The following SORCS2 variants were observed in gnomAD, a reference collection of about 807,000 sequenced individuals.
SORCS2 encodes the protein VPS10 domain-containing receptor SorCS2.
In SORCS2, 100 loss-of-function variants were observed where a neutral mutation model predicts 141.6. That is an observed-to-expected ratio of 0.71 (90% CI 0.60 to 0.83). The LOEUF is 0.83. SORCS2 is among the 40% of genes least tolerant of loss of function. The probability of loss-of-function intolerance (pLI) is 0.00; values close to 1 mark genes in which losing one functional copy is unlikely to be tolerated. For synonymous variants in SORCS2, 789 were observed against 676.9 expected (o/e 1.17, Z -2.57); for missense variants, 1,646 against 1,560.2 (o/e 1.05, Z -0.93).
In SORCS2 at chr4:7,729,598, C is replaced by A. The variant is rs747093100; in HGVS notation, c.2994C>A (p.Val998=). Residue 998 remains valine (V), a synonymous_variant, in exon 23 of 27, where the codon GTC becomes GTA. Transcript: ENST00000507866. ...AACTCTCCCCGCAGGAGACCAGCGT[C>A]CCTCAGGAGCTTCTGGTGACTGTGG... ...VTRLLSKETS[V]PQELLVTVVK... is the part of the protein sequence containing the mutation. 1 of 1,585,604 alleles carries A rather than the reference C, an allele frequency of 6.3e-7. No individual in the cohort carries two copies. The highest frequency in any genetic ancestry group is 8.6e-7 in the Non-Finnish European group (1 of 1,166,164).
intron 3 of SORCS2, among the ~76,000 whole-genome samples, chr4:7,570,059 G>C (rs910657347): frequency 5.3e-5 from 8 of 152,200 alleles, no homozygotes; most frequent in Non-Finnish European, 1.2e-4. Context: ...GCTGAGAGCA[G>C]GGCCCCCATA....
chr4:7,697,306 C>A, intron 12 of SORCS2, 32 bp downstream of exon 12: 1 of 1,540,174 alleles, frequency 6.5e-7, no homozygotes, highest in Non-Finnish European at 8.8e-7. Context: ...TGGTACCCCC[C>A]ACCCCATCCA....
chr4:7,433,670 T>C, intron 2 of SORCS2: 1 of 1,610,132 alleles, frequency 6.2e-7, no homozygotes, highest in Non-Finnish European at 8.5e-7. Context: ...GAGGACACCG[T>C]GAGCAGCCTC....
chr4:7,396,279 A>C lies in SORCS2; in HGVS notation c.481-9A>C, dbSNP rs374757499. On this transcript the variant is annotated splice_polypyrimidine_tract_variant and intron_variant, in intron 1 of 26. Coordinates refer to ENST00000507866, the MANE Select transcript of SORCS2 (RefSeq NM_020777.3). The stretch of plus-strand genomic sequence containing the variant: ...GATTTCTGCCTTTTACTTTCTGTTA[A>C]CACCACAGGTGATCTTGATCCTGAC... 330 of 1,613,686 alleles carry C rather than the reference A, an allele frequency of 2.0e-4. 1 individual carries two copies. The highest frequency in any genetic ancestry group is 3.3e-4 in the South Asian group (30 of 90,992).
chr4:7,318,363 A>G (rs542232397), intron 1 of SORCS2, among the ~76,000 whole-genome samples: 98 of 152,254 alleles, frequency 6.4e-4, no homozygotes, highest in African/African-American at 2.3e-3. Flanking sequence ...TGCAAGGCGA[A>G]TGCACCATAC....
chr4:7,563,896 G>A lies in SORCS2; in HGVS notation c.648+32267G>A, dbSNP rs79534976. On this transcript the variant is annotated intron_variant, in intron 3 of 26. Coordinates refer to ENST00000507866, the MANE Select transcript of SORCS2 (RefSeq NM_020777.3). ...TAAGCAATGTAAGTGAGAACAATTG[G>A]GCTAAAATTTAAACAACCTAATTCC... Among the ~76,000 whole-genome samples the A allele has an allele frequency of 9.3e-3, 1,410 of 152,276 alleles. 10 individuals carry two copies. Among genetic ancestry groups the A allele is most frequent in the Middle Eastern group, 0.027 (8 of 294 alleles).
chr4:7,639,771 A>G (rs2108867109), intron 4 of SORCS2, among the ~76,000 whole-genome samples: 4 of 140,242 alleles, frequency 2.9e-5, no homozygotes, highest in East Asian at 2.1e-4. Context: ...GTGGGTGTGA[A>G]CGTGTGTGTG....
intron 2 of SORCS2, chr4:7,432,853 C>T (rs1055632395): frequency 2.2e-5 from 1 of 45,600 alleles, no homozygotes; most frequent in African/African-American, 5.5e-5. Flanking sequence ...CAGACTCCCA[C>T]CCCCGGCTGT....
At chr4:7,540,049 C>A (rs1483483827) in intron 3 of SORCS2, among the ~76,000 whole-genome samples, 1 of 148,530 alleles carries the variant, frequency 6.7e-6, no homozygotes, top group Non-Finnish European at 1.5e-5. Flanking sequence ...GGCCCCACCC[C>A]CTGCCTGTCG....
chr4:7,477,528 C>T (rs1454029708), intron 2 of SORCS2, among the ~76,000 whole-genome samples: 2 of 152,128 alleles, frequency 1.3e-5, no homozygotes, highest in Non-Finnish European at 2.9e-5. Context: ...CAGTGCTCTT[C>T]AAGCCTGCAC....
At chr4:7,445,945 C>A (rs4599415) in intron 2 of SORCS2, among the ~76,000 whole-genome samples, 4 of 152,002 alleles carry the variant, frequency 2.6e-5, no homozygotes, top group African/African-American at 4.8e-5. Flanking sequence ...CCCCTCACAC[C>A]TGCACAGTTC....
intron 2 of SORCS2, among the ~76,000 whole-genome samples, chr4:7,459,869 G>A (rs746532662): frequency 2.6e-5 from 4 of 152,180 alleles, no homozygotes; most frequent in Non-Finnish European, 2.9e-5. Context: ...AGAAGTACCC[G>A]GGCAGGTGGC....
chr4:7,362,554 T>C (rs569303013), intron 1 of SORCS2, among the ~76,000 whole-genome samples: 1 of 152,226 alleles, frequency 6.6e-6, no homozygotes, highest in Non-Finnish European at 1.5e-5. Flanking sequence ...ACTGGACAAA[T>C]GTGTTGGTGC....
rs573310671 is a variant in SORCS2 at position 7,564,289 on chromosome 4, G to A, written c.648+32660G>A. On this transcript the variant is annotated intron_variant, in intron 3 of 26. Coordinates refer to ENST00000507866, the MANE Select transcript of SORCS2 (RefSeq NM_020777.3). Reference sequence around the variant, plus strand: ...ACGCTGCCCCTGTGGCCCCCTCTAGGACAAGGTCCTTCCTTGCCTCTCCTG... The same window carrying A: ...ACGCTGCCCCTGTGGCCCCCTCTAGAACAAGGTCCTTCCTTGCCTCTCCTG... Among the ~76,000 whole-genome samples, 5 of 152,318 alleles carry A rather than the reference G, an allele frequency of 3.3e-5. No individual in the cohort carries two copies. In the East Asian group the frequency reaches 9.7e-4, roughly 29 times the overall value.
intron 1 of SORCS2, among the ~76,000 whole-genome samples, chr4:7,303,705 G>A (rs908060987): frequency 6.6e-6 from 1 of 152,224 alleles, no homozygotes. Flanking sequence ...CCATTTCTGG[G>A]GTCTCAAACA....
intron 3 of SORCS2, among the ~76,000 whole-genome samples, chr4:7,590,800 A>C (rs1334355298): frequency 6.6e-6 from 1 of 152,212 alleles, no homozygotes; most frequent in Non-Finnish European, 1.5e-5. Context: ...AGTAAGACTG[A>C]TGTGAGACTT....
intron 9 of SORCS2, 138 bp from the exon 10 acceptor site, chr4:7,682,605 C>A: frequency 1.2e-6 from 1 of 846,978 alleles, no homozygotes; most frequent in Non-Finnish European, 1.8e-6. Flanking sequence ...TAGAATGTGT[C>A]TCAGCTGCTG....
intron 2 of SORCS2, among the ~76,000 whole-genome samples, chr4:7,420,752 A>C (rs1394138238): frequency 6.6e-6 from 1 of 152,132 alleles, no homozygotes; most frequent in African/African-American, 2.4e-5. Context: ...TTCAGGACCC[A>C]CACGGTCCTG....
rs909831829 is a variant in SORCS2 at position 7,644,031 on chromosome 4, A to G, written c.813+5539A>G. ...TCTGCTGGGGCTCAGGGCAGGAACA[A>G]TACTCCCCTCTGGATATGTAAGCAG... On this transcript the variant is annotated intron_variant, in intron 4 of 26. Coordinates refer to ENST00000507866, the MANE Select transcript of SORCS2 (RefSeq NM_020777.3). Among the ~76,000 whole-genome samples the G allele has an allele frequency of 3.1e-4, 47 of 152,178 alleles. 1 individual carries two copies. Among genetic ancestry groups the G allele is most frequent in the Admixed American group, 2.7e-3 (41 of 15,276 alleles).
Sources: gnomAD v4.1 joint callset for allele counts (sites outside exome capture counted in the v4.1 genomes callset) on GRCh38, gnomAD v4.1.1 for gene constraint, MANE v1.5 for transcripts, NCBI Gene and HGNC (gene_info 2026-07-23, HGNC 2026-07-21) for gene names.